Variants in FAHD2B observed in about 807,000 individuals in gnomAD.
FAHD2B encodes oxaloacetate tautomerase FAHD2B, mitochondrial.
FAHD2B carries 26 observed loss-of-function variants against 33.7 expected under a neutral mutation model. The observed-to-expected ratio is 0.77, with a 90% CI of 0.57 to 1.07. FAHD2B has a LOEUF of 1.07. Ranked by LOEUF, FAHD2B falls within the 50% of genes least tolerant of loss-of-function variation. The probability of loss-of-function intolerance (pLI) is 0.00; values close to 1 mark genes in which losing one functional copy is unlikely to be tolerated. For missense variants in FAHD2B, 272 were observed against 388.1 expected (o/e 0.70, Z 2.51); for synonymous variants, 108 against 150.9 (o/e 0.72, Z 2.08).
chr2:97,083,526 G>A (rs1307320062), downstream of FAHD2B: 1 of 894,896 alleles, frequency 1.1e-6, no homozygotes, highest in Non-Finnish European at 1.7e-6. Flanking sequence ...CCCACAAAAT[G>A]CCCCAACTTG....
rs752426119 is a variant in FAHD2B at position 97,084,295 on chromosome 2, A to T, written c.686-18T>A. 4.3e-6 allele frequency: 7 copies of T among 1,611,902 alleles called. No individual in the cohort carries two copies. The South Asian group carries it at 5.5e-5, about 13-fold the overall frequency. ...GTGTGGATCTGAAATGCAAAGATGG[A>T]ACCTTGGAGTTATCCCTTTTCCCCC... is the stretch of plus-strand genomic sequence containing the variant. On this transcript the variant is annotated intron_variant, in intron 6 of 8. Coordinates refer to ENST00000414820, the MANE Select transcript of FAHD2B (RefSeq NM_001320848.2).
downstream of FAHD2B, chr2:97,081,465 C>T: frequency 6.3e-7 from 1 of 1,580,922 alleles, no homozygotes; most frequent in Non-Finnish European, 8.6e-7. Context: ...CTGCTACTGT[C>T]AGGAGGTGCT....
intron 4 of FAHD2B, chr2:97,086,445 C>A: frequency 1.9e-6 from 1 of 539,040 alleles, no homozygotes; most frequent in Non-Finnish European, 3.3e-6. Flanking sequence ...TGCAGAAGAG[C>A]AACACGTGTC....
chr2:97,093,501 G>T (rs1226233188), intron 1 of FAHD2B, among the ~76,000 whole-genome samples: 2 of 131,926 alleles, frequency 1.5e-5, no homozygotes, highest in Non-Finnish European at 3.1e-5. Flanking sequence ...TTGAGATGGA[G>T]TCTCGCTCTG....
At chr2:97,081,490 A>C, downstream of FAHD2B, 1 of 1,580,928 alleles carries the variant, frequency 6.3e-7, no homozygotes, top group Non-Finnish European at 8.6e-7. Flanking sequence ...AGGCTCATCC[A>C]ATGCGGGCTC....
chr2:97,081,492 T>C, downstream of FAHD2B: 1 of 1,580,334 alleles, frequency 6.3e-7, no homozygotes. Context: ...GCTCATCCAA[T>C]GCGGGCTCCT....
downstream of FAHD2B, chr2:97,083,335 G>A (rs2031729010): frequency 1.2e-5 from 19 of 1,538,128 alleles, no homozygotes; most frequent in Non-Finnish European, 1.6e-5. Context: ...AAGATGGAGA[G>A]GAGGCTGCAA....
intron 4 of FAHD2B, 101 bp from the exon 5 acceptor site, chr2:97,086,299 G>T: frequency 6.6e-7 from 1 of 1,504,650 alleles, no homozygotes; most frequent in South Asian, 1.3e-5. Context: ...TGGCTTGGCT[G>T]CCATCCCACG....
At chr2:97,083,047 C>T, downstream of FAHD2B, 1 of 1,322,446 alleles carries the variant, frequency 7.6e-7, no homozygotes. Context: ...GGCCAGAGGT[C>T]TCAAGGCAGG....
chr2:97,084,234 G>A lies in FAHD2B; in HGVS notation c.729C>T (p.Val243=), dbSNP rs557448239. The A allele has an allele frequency of 6.8e-6, 11 of 1,613,728 alleles. No homozygotes were observed. Among genetic ancestry groups the A allele is most frequent in the South Asian group, 1.1e-5 (1 of 90,976 alleles). The change falls in exon 7 of 9, where the codon GTC becomes GTT. Residue 243 remains valine (V), a synonymous_variant. Coordinates refer to ENST00000414820, the MANE Select transcript of FAHD2B (RefSeq NM_001320848.2). ...TCTGGTTGGTGTTGCTGCTCTGGAC[G>A]ACTTCCCCATTCACTCGGCAGCAGA... is the stretch of plus-strand genomic sequence containing the variant. The part of the protein sequence containing the change: ...LKICCRVNGE[V]VQSSNTNQMV...
At chr2:97,079,070 C>T (rs2031567029), downstream of FAHD2B, among the ~76,000 whole-genome samples, 1 of 152,092 alleles carries the variant, frequency 6.6e-6, no homozygotes, top group Non-Finnish European at 1.5e-5. Context: ...GCCTCCAGCT[C>T]CATCCATGTC....
At chr2:97,086,292 C>T in intron 4 of FAHD2B, 94 bp from the exon 5 acceptor site, 2 of 1,532,376 alleles carry the variant, frequency 1.3e-6, no homozygotes, top group Admixed American at 3.9e-5. Flanking sequence ...GTCAGTATGG[C>T]TTGGCTGCCA....
Position 97,089,295 on chromosome 2 carries a change from C to G in FAHD2B, c.462+814G>C, listed in dbSNP as rs1014289765. 4.0e-5 allele frequency among the ~76,000 whole-genome samples: 6 copies of G among 151,720 alleles called. No homozygotes were observed. The Admixed American group carries it at 4.0e-4, about 10-fold the overall frequency. Reference sequence around the variant, plus strand: ...CAGCACTTTGGGAGGCTGAGGCAGGCAGATCACAAGGCCAAGAGACTGAGA... The same window carrying G: ...CAGCACTTTGGGAGGCTGAGGCAGGGAGATCACAAGGCCAAGAGACTGAGA... On this transcript the variant is annotated intron_variant, in intron 4 of 8. Coordinates refer to ENST00000414820, the MANE Select transcript of FAHD2B (RefSeq NM_001320848.2).
At chr2:97,092,790 G>A (rs2032425507) in intron 1 of FAHD2B, among the ~76,000 whole-genome samples, 1 of 151,684 alleles carries the variant, frequency 6.6e-6, no homozygotes, top group Non-Finnish European at 1.5e-5. Flanking sequence ...GGCCAACATG[G>A]TGAAACCCTG....
At chr2:97,082,002 C>T, downstream of FAHD2B, 2 of 1,534,164 alleles carry the variant, frequency 1.3e-6, no homozygotes, top group Non-Finnish European at 1.8e-6. Flanking sequence ...TCCGGCCAGC[C>T]TGTGACACAG....
chr2:97,087,808 C>T (rs985545970), intron 4 of FAHD2B, among the ~76,000 whole-genome samples: 9 of 152,132 alleles, frequency 5.9e-5, no homozygotes, highest in African/African-American at 1.9e-4. Context: ...GTTATGTGAT[C>T]TCAAACTACC....
chr2:97,080,633 T>G (rs1267952198), downstream of FAHD2B, among the ~76,000 whole-genome samples: 1 of 152,186 alleles, frequency 6.6e-6, no homozygotes, highest in African/African-American at 2.4e-5. Context: ...AGAACTTCCA[T>G]GGTAGTTTAA....
At chr2:97,086,268 C>T (rs1364940100) in intron 4 of FAHD2B, 70 bp from the exon 5 acceptor site, 15 of 1,573,848 alleles carry the variant, frequency 9.5e-6, no homozygotes, top group East Asian at 4.6e-5. Context: ...AGAGGCTGTA[C>T]GCCATGGATC....
rs554384901 is a variant in FAHD2B at position 97,088,449 on chromosome 2, C to T, written c.462+1660G>A. Among the ~76,000 whole-genome samples the T allele has an allele frequency of 3.3e-5, 5 of 152,208 alleles. No individual in the cohort carries two copies. The South Asian group carries it at 1.0e-3, about 32-fold the overall frequency. On this transcript the variant is annotated intron_variant, in intron 4 of 8. Coordinates refer to ENST00000414820, the MANE Select transcript of FAHD2B (RefSeq NM_001320848.2). ...GATAGTTTTAAAAACGGGAGTTTCT[C>T]TGCACAAGCTCTTTTCTGCCTGCTG... is the stretch of plus-strand genomic sequence containing the variant.
Sources: allele counts gnomAD v4.1 joint callset (sites outside exome capture counted in the v4.1 genomes callset), GRCh38; gene constraint gnomAD v4.1.1; transcripts MANE v1.5; gene names NCBI Gene and HGNC (gene_info 2026-07-23, HGNC 2026-07-21).